SEL1L3: variants seen among roughly 807,000 people sequenced by gnomAD.
SEL1L3 encodes the protein SEL1L family member 3.
Under a neutral mutation model 142.8 loss-of-function variants are expected in SEL1L3, and 76 were observed. The observed-to-expected ratio is 0.53, with a 90% CI of 0.44 to 0.64. The LOEUF (loss-of-function observed/expected upper bound fraction) is 0.64. SEL1L3 is among the 30% of genes least tolerant of loss of function. SEL1L3 has a pLI of 0.00. For synonymous variants in SEL1L3, 504 were observed against 519.6 expected (o/e 0.97, Z 0.41); for missense variants, 1,262 against 1,381.7 (o/e 0.91, Z 1.37).
At chr4:25,853,663 CCTTTT>C (rs1717049417) in intron 1 of SEL1L3, among the ~76,000 whole-genome samples, 1 of 135,192 alleles carries the variant, frequency 7.4e-6, no homozygotes. Flanking sequence ...GCTCTTCTTA[CCTTTT>C]TTTTTTTTTT....
chr4:25,862,696 C>T lies in SEL1L3; in HGVS notation c.141G>A (p.Ala47=). 1.5e-6 allele frequency: 2 copies of T among 1,302,716 alleles called. No individual in the cohort carries two copies. Among genetic ancestry groups the T allele is most frequent in the Non-Finnish European group, 2.0e-6 (2 of 1,022,828 alleles). 80.7% of individuals were successfully genotyped at this position (1,302,716 alleles called of 1,614,324 possible). A position where few individuals can be genotyped will look rare whatever the true frequency, so the allele number is the denominator to read the frequency against. ...PQGLGGRSAC[A]LLLLCYLNVV... ...TCACCAGGTAGCAGAGCAGGAGCAG[C>T]GCGCAGGCAGAGCGGCCGCCGAGGC... Residue 47 remains alanine (A), a synonymous_variant, in exon 1 of 24, where the codon GCG becomes GCA. Coordinates refer to ENST00000399878, the MANE Select transcript of SEL1L3 (RefSeq NM_015187.5).
At chr4:25,784,326 A>T in intron 13 of SEL1L3, 36 bp from the exon 14 acceptor site, 1 of 1,522,250 alleles carries the variant, frequency 6.6e-7, no homozygotes. Flanking sequence ...TACAAAGAAA[A>T]TACAACCAGA....
Position 25,835,263 on chromosome 4 carries a change from T to A in SEL1L3, c.794A>T (p.Lys265Met). 1 of 1,614,038 alleles carries A rather than the reference T, an allele frequency of 6.2e-7. No individual in the cohort carries two copies. Among genetic ancestry groups the A allele is most frequent in the Non-Finnish European group, 8.5e-7 (1 of 1,179,892 alleles). ...ASSGENTGIV[K>M]KFPRFRNREL... ...TCGGTTCCGAAACCTCGGGAACTTCTTGACAATGCCTGTGTTTTCTCCACT... is the reference window on the plus strand; with the variant it reads ...TCGGTTCCGAAACCTCGGGAACTTCATGACAATGCCTGTGTTTTCTCCACT... The change falls in exon 3 of 24, where the codon AAG becomes ATG. Residue 265 changes from lysine (K) to methionine (M), a missense_variant. Lys to Met is a moderately conservative substitution (Grantham distance 95, BLOSUM62 -1). Coordinates refer to ENST00000399878, the MANE Select transcript of SEL1L3 (RefSeq NM_015187.5).
intron 12 of SEL1L3, among the ~76,000 whole-genome samples, chr4:25,789,070 A>C (rs1041118870): frequency 6.6e-6 from 1 of 152,130 alleles, no homozygotes; most frequent in African/African-American, 2.4e-5. Context: ...TCCTTCCTGT[A>C]CTAGAAAGAC....
upstream of SEL1L3, chr4:25,863,480 T>A (rs1250176929): frequency 1.4e-6 from 1 of 702,686 alleles, no homozygotes; most frequent in Admixed American, 2.0e-5. Context: ...GCAATGGGTT[T>A]TTGTCTGGTT....
intron 1 of SEL1L3, among the ~76,000 whole-genome samples, chr4:25,862,466 G>A: frequency 6.6e-6 from 1 of 152,170 alleles, no homozygotes; most frequent in East Asian, 1.9e-4. Context: ...ACGAGCGAGA[G>A]AGCAGCTTGG....
the SEL1L3 span, among the ~76,000 whole-genome samples, chr4:25,724,429 G>T: frequency 6.6e-6 from 1 of 151,352 alleles, no homozygotes; most frequent in African/African-American, 2.4e-5. Context: ...TCAAAGAAAA[G>T]AAAAGACAAG....
chr4:25,758,296 C>T (rs1284199940), intron 21 of SEL1L3, among the ~76,000 whole-genome samples: 2 of 152,192 alleles, frequency 1.3e-5, no homozygotes, highest in Middle Eastern at 3.4e-3. Flanking sequence ...CATGGTGAAA[C>T]CCTGTCTCTA....
intron 12 of SEL1L3, among the ~76,000 whole-genome samples, chr4:25,789,262 C>A (rs1408727426): frequency 6.6e-6 from 1 of 151,992 alleles, no homozygotes; most frequent in Non-Finnish European, 1.5e-5. Context: ...TGAGGAAGAC[C>A]CCTATAGAGA....
chr4:25,796,770 AAAAAC>A (rs2109207257), intron 11 of SEL1L3, among the ~76,000 whole-genome samples: 1 of 152,226 alleles, frequency 6.6e-6, no homozygotes, highest in Non-Finnish European at 1.5e-5. Context: ...CTATCTCGAA[AAAAAC>A]AAAACAAAAC....
chr4:25,815,021 G>C (rs950353616), intron 9 of SEL1L3, among the ~76,000 whole-genome samples: 2 of 152,132 alleles, frequency 1.3e-5, no homozygotes, highest in Admixed American at 6.5e-5. Context: ...CCAGGGCTTG[G>C]TTCTAGAAAT....
intron 6 of SEL1L3, among the ~76,000 whole-genome samples, chr4:25,828,889 C>A (rs967853271): frequency 2.6e-5 from 4 of 152,214 alleles, no homozygotes; most frequent in Non-Finnish European, 4.4e-5. Flanking sequence ...AAACACTCCT[C>A]ATCCCAGACA....
At chr4:25,726,420 TA>T in the SEL1L3 span, among the ~76,000 whole-genome samples, 1 of 151,020 alleles carries the variant, frequency 6.6e-6, no homozygotes, top group Non-Finnish European at 1.5e-5. Context: ...CCCAGTTACT[TA>T]GGAGCCTGAG....
chr4:25,767,476 G>A (rs1457725180), intron 19 of SEL1L3, 49 bp downstream of exon 19: 1 of 971,026 alleles, frequency 1.0e-6, no homozygotes, highest in Non-Finnish European at 1.6e-6. Flanking sequence ...TGTTACTAAA[G>A]ATTAAAAACA....
At chr4:25,811,433 G>C (rs1297514370) in intron 9 of SEL1L3, among the ~76,000 whole-genome samples, 1 of 152,160 alleles carries the variant, frequency 6.6e-6, no homozygotes, top group Non-Finnish European at 1.5e-5. Flanking sequence ...TGGGAGAAAT[G>C]AGGGAAATGT....
chr4:25,833,045 T>C lies in SEL1L3; in HGVS notation c.1048A>G (p.Ile350Val). The change falls in exon 5 of 24, where the codon ATA becomes GTA. Residue 350 changes from isoleucine to valine, a missense_variant. Transcript: ENST00000399878. ...EDLAVKTKFI[I>V]PLKEWFRLDI... ...AGTCGAAACCACTCCTTCAAAGGTA[T>C]GATGAATTTAGTTTTTACAGCAAGG... 1 of 1,612,938 alleles carries C rather than the reference T, an allele frequency of 6.2e-7. No individual in the cohort carries two copies. Among genetic ancestry groups the C allele is most frequent in the South Asian group, 1.1e-5 (1 of 91,052 alleles).
intron 14 of SEL1L3, 138 bp from the exon 15 acceptor site, chr4:25,782,556 A>G (rs1388013861): frequency 1.4e-6 from 1 of 724,528 alleles, no homozygotes; most frequent in African/African-American, 1.8e-5. Flanking sequence ...GATGGCATTA[A>G]AGAAAAGCTA....
chr4:25,717,601 G>A, the SEL1L3 span, among the ~76,000 whole-genome samples: 2 of 152,196 alleles, frequency 1.3e-5, no homozygotes, highest in African/African-American at 2.4e-5. Context: ...GGGAGGTGGA[G>A]GTTGAAGTGA....
intron 14 of SEL1L3, 115 bp downstream of exon 14, chr4:25,784,113 C>T (rs1438760199): frequency 7.0e-6 from 6 of 861,858 alleles, no homozygotes; most frequent in African/African-American, 1.7e-5. Flanking sequence ...CTCACCACCC[C>T]GTTTCCACCT....
Sources: allele counts gnomAD v4.1 joint callset (sites outside exome capture counted in the v4.1 genomes callset), GRCh38; gene constraint gnomAD v4.1.1; transcripts MANE v1.5; gene names NCBI Gene and HGNC (gene_info 2026-07-23, HGNC 2026-07-21).